Variants in ARVCF observed in about 807,000 individuals in gnomAD.
ARVCF encodes splicing regulator ARVCF.
In ARVCF, 66 loss-of-function variants were observed where a neutral mutation model predicts 90.9. The ratio of observed to expected loss-of-function variants is 0.73; its 90% confidence interval spans 0.60 to 0.89. ARVCF has a LOEUF of 0.89. Ranked by LOEUF, ARVCF falls within the 40% of genes least tolerant of loss-of-function variation. The pLI, the probability that ARVCF is intolerant of heterozygous loss-of-function variation, is 0.00. For missense variants in ARVCF, 1,469 were observed against 1,382.3 expected (o/e 1.06, Z -1.00); for synonymous variants, 653 against 603.4 (o/e 1.08, Z -1.21).
At chr22:19,973,390 G>A in intron 13 of ARVCF, 73 bp from the exon 14 acceptor site, 4 of 1,490,260 alleles carry the variant, frequency 2.7e-6, no homozygotes, top group South Asian at 1.3e-5. Flanking sequence ...ATCCCGCGAG[G>A]GCGAGGGGCA....
At chr22:19,978,842 C>T in intron 7 of ARVCF, 55 bp downstream of exon 7, 3 of 1,559,664 alleles carry the variant, frequency 1.9e-6, no homozygotes, top group South Asian at 1.2e-5. Context: ...TATCTGGGAC[C>T]ACGAGGACGG....
chr22:20,000,607 C>T (rs2146441115), intron 2 of ARVCF, among the ~76,000 whole-genome samples: 1 of 152,316 alleles, frequency 6.6e-6, no homozygotes, highest in African/African-American at 2.4e-5. Flanking sequence ...CTCAAAGGCA[C>T]CTACTGGCAC....
intron 3 of ARVCF, among the ~76,000 whole-genome samples, chr22:19,986,162 TC>T (rs1943754526): frequency 6.6e-6 from 1 of 152,140 alleles, no homozygotes; most frequent in Admixed American, 6.5e-5. Flanking sequence ...CACCTCAGCT[TC>T]CCCAAGCTCA....
intron 1 of ARVCF, among the ~76,000 whole-genome samples, chr22:20,011,193 C>T (rs1051030718): frequency 3.9e-5 from 6 of 152,238 alleles, no homozygotes; most frequent in African/African-American, 1.4e-4. Context: ...TTTCAGCCTT[C>T]CTCAGGGGAG....
At chr22:20,001,585 C>A (rs1346641831) in intron 2 of ARVCF, among the ~76,000 whole-genome samples, 3 of 152,160 alleles carry the variant, frequency 2.0e-5, no homozygotes, top group African/African-American at 7.2e-5. Context: ...GGGAGGATCA[C>A]CTGAGGTTGG....
chr22:19,980,066 G>T lies in ARVCF; in HGVS notation c.1073C>A (p.Pro358His). 1.3e-6 allele frequency: 2 copies of T among 1,582,986 alleles called. No individual in the cohort carries two copies. The highest frequency in any genetic ancestry group is 1.7e-6 in the Non-Finnish European group (2 of 1,164,154). Residue 358 changes from proline to histidine, a missense_variant, in exon 6 of 20, where the codon CCT becomes CAT. Pro to His is a moderately conservative substitution (Grantham distance 77, BLOSUM62 -2). Transcript: ENST00000263207. ...CATGGCCAGCACCTCAGGCAGCTCA[G>T]GGTCCCGCCAGCGCGGCTCCTTGCG... ...SARKEPRWRD[P>H]ELPEVLAMLR...
intron 1 of ARVCF, 141 bp downstream of exon 1, chr22:20,016,448 C>G (rs1259979432): frequency 1.3e-5 from 2 of 152,252 alleles, no homozygotes; most frequent in East Asian, 3.9e-4. Flanking sequence ...GACCCTCGCC[C>G]GGATCTCGAC....
intron 10 of ARVCF, 78 bp downstream of exon 10, chr22:19,976,628 G>T (rs77900476): frequency 0.03 from 46,251 of 1,521,960 alleles, 939 homozygotes; most frequent in South Asian, 0.081. Context: ...CAGGGCCCTG[G>T]GGCTGGAACG....
In ARVCF at chr22:19,972,943, C is replaced by G. The variant is rs777331045; in HGVS notation, c.2532G>C (p.Trp844Cys). ...ELRGTLQKDGWTKARFQSAAA... is the reference protein window; with the variant it reads ...ELRGTLQKDGCTKARFQSAAA... ...GCCGCACCTGGAAGCGCGCCTTGGT[C>G]CAACCATCTTTCTGCAAGGTACCAC... Residue 844 changes from tryptophan to cysteine, a missense_variant, in exon 15 of 20, where the codon TGG becomes TGC. Physicochemically the swap from Trp to Cys is radical, Grantham distance 215. Transcript: ENST00000263207. The G allele has an allele frequency of 2.5e-6, 4 of 1,613,842 alleles. No individual in the cohort carries two copies. Among genetic ancestry groups the G allele is most frequent in the Non-Finnish European group, 3.4e-6 (4 of 1,180,032 alleles).
At chr22:19,984,245 G>A (rs1393285998) in intron 3 of ARVCF, among the ~76,000 whole-genome samples, 2 of 152,176 alleles carry the variant, frequency 1.3e-5, no homozygotes, top group African/African-American at 4.8e-5. Flanking sequence ...AAGCGGGAGA[G>A]GAAAAGGGGA....
At chr22:19,976,783 AC>A (rs112064700) in intron 9 of ARVCF, 60 bp from the exon 10 acceptor site, 38 of 1,542,428 alleles carry the variant, frequency 2.5e-5, no homozygotes, top group Middle Eastern at 1.7e-4. Flanking sequence ...AGCACTCATC[AC>A]CCCCCCATGC....
intron 2 of ARVCF, among the ~76,000 whole-genome samples, chr22:19,994,847 G>A (rs990776912): frequency 6.7e-6 from 1 of 148,926 alleles, no homozygotes; most frequent in African/African-American, 2.5e-5. Context: ...GGTAGGCGAT[G>A]GACAGAGAGA....
Position 20,013,219 on chromosome 22 carries a change from TAGTG to T in ARVCF, c.-72-2715_-72-2712del, listed in dbSNP as rs529438312. 2.5e-4 allele frequency among the ~76,000 whole-genome samples: 38 copies of T among 152,320 alleles called. No homozygotes were observed. In the East Asian group the frequency reaches 7.1e-3, roughly 29 times the overall value. On this transcript the variant is annotated intron_variant, in intron 1 of 19. Coordinates refer to ENST00000263207, the MANE Select transcript of ARVCF (RefSeq NM_001670.3). ...TAGGCCTGCTGCCACCCTGGGCACA[TAGTG>T]AGAACACGCCCACTTCTGCTGTGGA...
intron 3 of ARVCF, chr22:19,987,099 C>CG: frequency 3.5e-6 from 2 of 577,510 alleles, no homozygotes; most frequent in Non-Finnish European, 6.3e-6. Flanking sequence ...GGCATCGGGC[C>CG]GGGACTCGGG....
Position 19,970,119 on chromosome 22 carries a change from G to A in ARVCF, c.*637C>T. On this transcript the variant is annotated 3_prime_UTR_variant, in exon 20 of 20. Coordinates refer to ENST00000263207, the MANE Select transcript of ARVCF (RefSeq NM_001670.3). The stretch of plus-strand genomic sequence containing the variant: ...CGGCAGCCCCGGCCCCAGCCAGCAT[G>A]GGCTGGAGAAAGGCTCTCTACTGCA... The A allele has an allele frequency of 3.0e-6, 3 of 985,582 alleles. No individual in the cohort carries two copies. The highest frequency in any genetic ancestry group is 3.6e-6 in the Non-Finnish European group (3 of 830,074). The allele number at this position is 985,582 out of a possible 1,614,324, so 61.1% of individuals were successfully genotyped here. A position where few individuals can be genotyped will look rare whatever the true frequency, so the allele number is the denominator to read the frequency against.
intron 2 of ARVCF, among the ~76,000 whole-genome samples, chr22:19,994,341 T>C (rs1402177129): frequency 1.9e-5 from 2 of 102,854 alleles, no homozygotes; most frequent in Admixed American, 1.4e-4. Context: ...TGGTGGGAGA[T>C]AGACATACAG....
In ARVCF at chr22:19,971,897, C is replaced by G; in HGVS notation, c.2770G>C (p.Glu924Gln). ...ASSAGEASEK[E>Q]PLKLDPSRKA... The stretch of plus-strand genomic sequence containing the variant: ...ACATGACCACTTACTTTCAAGGGTT[C>G]CTTCTCAGAGGCCTCTCCTGCAGAG... Residue 924 changes from glutamate (E) to glutamine (Q), a missense_variant, in exon 18 of 20, where the codon GAA becomes CAA. Coordinates refer to ENST00000263207, the MANE Select transcript of ARVCF (RefSeq NM_001670.3). 1 of 1,613,362 alleles carries G rather than the reference C, an allele frequency of 6.2e-7. No individual in the cohort carries two copies.
intron 2 of ARVCF, among the ~76,000 whole-genome samples, chr22:19,997,103 C>A (rs934276818): frequency 6.6e-6 from 1 of 152,214 alleles, no homozygotes; most frequent in Non-Finnish European, 1.5e-5. Flanking sequence ...AGGGGGCATG[C>A]TGGATGGGAG....
intron 1 of ARVCF, among the ~76,000 whole-genome samples, chr22:20,013,641 G>C (rs9606208): frequency 6.6e-6 from 1 of 152,198 alleles, no homozygotes; most frequent in African/African-American, 2.4e-5. Context: ...AGAGGCGGCA[G>C]CCCCTCAATC....
Sources: gnomAD v4.1 joint callset for allele counts (sites outside exome capture counted in the v4.1 genomes callset) on GRCh38, gnomAD v4.1.1 for gene constraint, MANE v1.5 for transcripts, NCBI Gene and HGNC (gene_info 2026-07-23, HGNC 2026-07-21) for gene names.